EPM2A: variants seen among roughly 807,000 people sequenced by gnomAD.
The protein encoded by EPM2A is laforin.
EPM2A carries 21 observed loss-of-function variants against 26.5 expected under a neutral mutation model. The observed-to-expected ratio is 0.79, with a 90% CI of 0.56 to 1.14. The LOEUF (loss-of-function observed/expected upper bound fraction) is 1.14. Among genes scored for constraint, EPM2A ranks in the 50% most tolerant of loss-of-function variants. EPM2A has a pLI of 0.00. For synonymous variants in EPM2A, 217 were observed against 177.6 expected (o/e 1.22, Z -1.76); for missense variants, 458 against 440.8 (o/e 1.04, Z -0.35).
intron 1 of EPM2A, among the ~76,000 whole-genome samples, chr6:145,691,485 G>A (rs546442473): frequency 1.1e-4 from 17 of 152,170 alleles, no homozygotes; most frequent in East Asian, 9.7e-4. Flanking sequence ...ATGACTAACA[G>A]AAGATGTCTA....
intron 4 of EPM2A, among the ~76,000 whole-genome samples, chr6:145,408,962 A>T (rs1344715248): frequency 6.6e-6 from 1 of 152,138 alleles, no homozygotes; most frequent in East Asian, 1.9e-4. Context: ...TCTAGGTTTC[A>T]ACAAAATAAT....
At chr6:145,536,805 A>G (rs1780438502) in intron 2 of EPM2A, among the ~76,000 whole-genome samples, 1 of 152,228 alleles carries the variant, frequency 6.6e-6, no homozygotes, top group Admixed American at 6.5e-5. Flanking sequence ...AGTAAAGGCT[A>G]TTTATTCAGA....
At position 145,675,337 on chromosome 6, in the gene EPM2A, A is replaced by G. The variant is rs920226975; in HGVS notation, c.476+10785T>C. On this transcript the variant is annotated intron_variant, in intron 2 of 3. Transcript: ENST00000367519. ...TACCACCCACTGCAAAAACATGCCA[A>G]ATAGTAAAGACCATCGATGCTATGA... is the stretch of plus-strand genomic sequence containing the variant. Among the ~76,000 whole-genome samples, 55 of 152,240 alleles carry G rather than the reference A, an allele frequency of 3.6e-4. 1 individual carries two copies.
At chr6:145,594,242 T>C (rs1781310704) in intron 2 of EPM2A, among the ~76,000 whole-genome samples, 1 of 151,852 alleles carries the variant, frequency 6.6e-6, no homozygotes, top group Non-Finnish European at 1.5e-5. Context: ...ATATCCTTAA[T>C]ATGTAGCTAT....
In EPM2A at chr6:145,627,445, T is replaced by C. The variant is rs1775894055; in HGVS notation, c.967A>G (p.Lys323Glu). 6.2e-7 allele frequency: 1 copy of C among 1,614,060 alleles called. No individual in the cohort carries two copies. Among genetic ancestry groups the C allele is most frequent in the African/African-American group, 1.3e-5 (1 of 74,922 alleles). The change falls in exon 4 of 4, where the codon AAG (lysine) becomes GAG (glutamate). Residue 323 changes from lysine to glutamate, a missense_variant. Transcript: ENST00000367519. Reference protein sequence around the residue: ...AQEDFFQKFGKVRSSVCSL With the variant: ...AQEDFFQKFGEVRSSVCSL Reference sequence around the variant, plus strand: ...AGGCTACACACAGAAGAACGAACCTTCCCAAATTTCTGGAAAAAATCTTCT... The same window carrying C: ...AGGCTACACACAGAAGAACGAACCTCCCCAAATTTCTGGAAAAAATCTTCT...
chr6:145,485,460 G>A (rs976696174), intron 4 of EPM2A, among the ~76,000 whole-genome samples: 1 of 152,068 alleles, frequency 6.6e-6, no homozygotes, highest in African/African-American at 2.4e-5. Flanking sequence ...TTACTGGCAG[G>A]GGGTGGGAGA....
chr6:145,392,296 C>T (rs2114658652), intron 4 of EPM2A, among the ~76,000 whole-genome samples: 1 of 152,208 alleles, frequency 6.6e-6, no homozygotes, highest in Admixed American at 6.5e-5. Flanking sequence ...CGATGGCCTC[C>T]TCAAAGGAGA....
chr6:145,633,650 G>A (rs562213457), intron 3 of EPM2A: 3 of 152,248 alleles, frequency 2.0e-5, no homozygotes, highest in Admixed American at 6.5e-5. Context: ...GTCCAGAAAC[G>A]TAGATTTCCT....
chr6:145,490,907 G>T, intron 4 of EPM2A: 2 of 726,238 alleles, frequency 2.8e-6, no homozygotes, highest in South Asian at 1.3e-5. Flanking sequence ...TGCTAGAGCA[G>T]AATCATTAGA....
intron 2 of EPM2A, among the ~76,000 whole-genome samples, chr6:145,572,320 G>A (rs566429765): frequency 1.3e-5 from 2 of 152,200 alleles, no homozygotes; most frequent in South Asian, 2.1e-4. Context: ...GGCCATTGGT[G>A]CAGGCTGGGA....
intron 1 of EPM2A, 168 bp downstream of exon 1, chr6:145,735,030 C>T: frequency 2.6e-6 from 1 of 388,922 alleles, no homozygotes; most frequent in East Asian, 4.3e-5. Flanking sequence ...GCGTGGCCGG[C>T]AGAGCAGGGT....
intron 3 of EPM2A, chr6:145,631,601 A>C (rs1183332934): frequency 6.6e-6 from 1 of 152,174 alleles, no homozygotes; most frequent in Non-Finnish European, 1.5e-5. Flanking sequence ...GACACTACTA[A>C]GCACTTCTAG....
chr6:145,690,678 C>T (rs1781226564), intron 1 of EPM2A, among the ~76,000 whole-genome samples: 2 of 148,158 alleles, frequency 1.3e-5, no homozygotes, highest in South Asian at 2.2e-4. Flanking sequence ...ACCAAGAGAA[C>T]AATGATGTTA....
At chr6:145,532,326 G>A (rs1780370062) in intron 2 of EPM2A, among the ~76,000 whole-genome samples, 5 of 152,140 alleles carry the variant, frequency 3.3e-5, no homozygotes, top group Admixed American at 2.6e-4. Flanking sequence ...GAAGGTTTTT[G>A]CAAAAGTCTC....
intron 4 of EPM2A, among the ~76,000 whole-genome samples, chr6:145,398,999 C>G (rs1778446015): frequency 6.6e-6 from 1 of 152,132 alleles, no homozygotes. Context: ...TTTAATCTAT[C>G]CCATGTTATT....
In EPM2A at chr6:145,626,686, T is replaced by C. The variant is rs1215541505; in HGVS notation, c.*730A>G. 1 of 983,146 alleles carries C rather than the reference T, an allele frequency of 1.0e-6. No homozygotes were observed. Among genetic ancestry groups the C allele is most frequent in the African/African-American group, 1.7e-5 (1 of 57,200 alleles). 60.9% of individuals were successfully genotyped at this position (983,146 alleles called of 1,614,324 possible). A position where few individuals can be genotyped will look rare whatever the true frequency, so the allele number is the denominator to read the frequency against. ...ACTGGTCATGAGACCTTGGACAAGC[T>C]ACCTATGCTCATTAAGCCTCAATTT... On this transcript the variant is annotated 3_prime_UTR_variant, in exon 4 of 4. Transcript: ENST00000367519.
Position 145,681,148 on chromosome 6 carries a change from A to G in EPM2A, c.476+4974T>C, listed in dbSNP as rs1488259039. Among the ~76,000 whole-genome samples, 8 of 151,904 alleles carry G rather than the reference A, an allele frequency of 5.3e-5. No individual in the cohort carries two copies. The East Asian group carries it at 9.7e-4, about 18-fold the overall frequency. On this transcript the variant is annotated intron_variant, in intron 2 of 3. Transcript: ENST00000367519. ...TGCATTTCTCTGATGGCCAGTGATG[A>G]TGAGCATTTTTTCATGTGTTTTTTG... is the stretch of plus-strand genomic sequence containing the variant.
intron 4 of EPM2A, among the ~76,000 whole-genome samples, chr6:145,466,332 G>A (rs1004274771): frequency 6.6e-6 from 1 of 152,078 alleles, no homozygotes; most frequent in African/African-American, 2.4e-5. Flanking sequence ...AGTGGGCAAA[G>A]GACATGAACA....
intron 1 of EPM2A, among the ~76,000 whole-genome samples, chr6:145,708,448 T>C (rs1176016855): frequency 6.6e-6 from 1 of 152,132 alleles, no homozygotes; most frequent in East Asian, 1.9e-4. Flanking sequence ...GCCTAGAAAC[T>C]TGGTGCCCTG....
Sources: gnomAD v4.1 joint callset for allele counts (sites outside exome capture counted in the v4.1 genomes callset) on GRCh38, gnomAD v4.1.1 for gene constraint, MANE v1.5 for transcripts, NCBI Gene and HGNC (gene_info 2026-07-23, HGNC 2026-07-21) for gene names.